MPRIP: variants seen among roughly 807,000 people sequenced by gnomAD.
The protein encoded by MPRIP is myosin phosphatase Rho interacting protein, also known as myosin phosphatase Rho-interacting protein.
Under a neutral mutation model 234.9 loss-of-function variants are expected in MPRIP, and 59 were observed. That is an observed-to-expected ratio of 0.25 (90% CI 0.20 to 0.31). The LOEUF (loss-of-function observed/expected upper bound fraction) is 0.31, where lower values mean the gene tolerates loss of function less well. MPRIP is among the 10% of genes least tolerant of loss of function. The pLI, the probability that MPRIP is intolerant of heterozygous loss-of-function variation, is 1.00. For synonymous variants in MPRIP, 1,144 were observed against 1,263.9 expected (o/e 0.91, Z 2.01); for missense variants, 2,436 against 3,071.0 (o/e 0.79, Z 4.89).
intron 3 of MPRIP, among the ~76,000 whole-genome samples, chr17:17,118,300 G>A (rs764354593): frequency 1.8e-4 from 28 of 152,228 alleles, no homozygotes; most frequent in Non-Finnish European, 3.7e-4. Context: ...AAAAGCCATC[G>A]GGTGTAGAAT....
chr17:17,076,920 A>G (rs930572754), intron 2 of MPRIP: 4 of 127,518 alleles, frequency 3.1e-5, no homozygotes, highest in African/African-American at 5.7e-5. Context: ...AACTCTGAGT[A>G]TTGTTGGGCT....
rs1456874629 is a variant in MPRIP, at chr17:17,187,928, A to G, written c.*3034A>G. On this transcript the variant is annotated 3_prime_UTR_variant, in exon 24 of 24. Transcript: ENST00000651222. ...ACTTCAGCATTTTAATTATTTTCCTATAAATGTATTTATGTGTAGTATGCT... is the reference window on the plus strand; with the variant it reads ...ACTTCAGCATTTTAATTATTTTCCTGTAAATGTATTTATGTGTAGTATGCT... 1.3e-5 allele frequency: 2 copies of G among 152,244 alleles called. No homozygotes were observed. The highest frequency in any genetic ancestry group is 2.4e-5 in the African/African-American group (1 of 41,464). 9.4% of individuals were successfully genotyped at this position (152,244 alleles called of 1,614,324 possible).
chr17:17,145,976 C>T (rs1471806386), intron 9 of MPRIP, 60 bp from the exon 10 acceptor site: 2 of 1,507,960 alleles, frequency 1.3e-6, no homozygotes, highest in African/African-American at 2.7e-5. Context: ...CTGGCCCCAT[C>T]AGACACTCAT....
In MPRIP at chr17:17,174,014, C is replaced by A. The variant is rs1261321234; in HGVS notation, c.6689C>A (p.Ala2230Asp). The change falls in exon 19 of 24, where the codon GCC becomes GAC. Residue 2230 changes from alanine to aspartate, a missense_variant. By Grantham distance (126) the Ala-to-Asp change is moderately radical (BLOSUM62 -2). Transcript: ENST00000651222. ...ENAHLAQALE[A>D]ERQALRQCQR... is the part of the protein sequence containing the mutation. ...GCCCATCTGGCCCAGGCGCTGGAGG[C>A]CGAGCGGCAGGCCCTGCGGCAGTGC... 2 of 1,613,542 alleles carry A rather than the reference C, an allele frequency of 1.2e-6. No individual in the cohort carries two copies. Among genetic ancestry groups the A allele is most frequent in the African/African-American group, 1.3e-5 (1 of 74,948 alleles).
intron 3 of MPRIP, among the ~76,000 whole-genome samples, chr17:17,098,656 G>A (rs1597800303): frequency 6.6e-6 from 1 of 152,190 alleles, no homozygotes. Flanking sequence ...CATATGGGAT[G>A]GCCAAGAGAA....
chr17:17,106,065 G>A (rs903316589), intron 3 of MPRIP, among the ~76,000 whole-genome samples: 9 of 152,198 alleles, frequency 5.9e-5, no homozygotes, highest in African/African-American at 2.2e-4. Context: ...GTCCCTCAGT[G>A]GCTTTGAGGG....
In MPRIP at chr17:17,166,773, T is replaced by A. The variant is rs999709243; in HGVS notation, c.5182T>A (p.Leu1728Met). Reference sequence around the variant, plus strand: ...CTTTGAAAGAGTGATGCAGCAGGTCTTGGAAGCCCTCAGGCTTCCAGCGGG... The same window carrying A: ...CTTTGAAAGAGTGATGCAGCAGGTCATGGAAGCCCTCAGGCTTCCAGCGGG... The part of the protein sequence containing the change: ...PDFERVMQQV[L>M]EALRLPAGHE... Residue 1728 changes from leucine (L) to methionine (M), a missense_variant, in exon 16 of 24, where the codon TTG becomes ATG. Transcript: ENST00000651222. The surrounding 1 kb of genome is among the most constrained non-coding windows in gnomAD (Gnocchi z 4.4). 1 of 1,304,122 alleles carries A rather than the reference T, an allele frequency of 7.7e-7. No individual in the cohort carries two copies. The highest frequency in any genetic ancestry group is 1.5e-5 in the African/African-American group (1 of 65,872). 80.8% of individuals were successfully genotyped at this position (1,304,122 alleles called of 1,614,324 possible).
At chr17:17,066,721 A>ATTTT (rs1567692140) in intron 1 of MPRIP, among the ~76,000 whole-genome samples, 1 of 39,440 alleles carries the variant, frequency 2.5e-5, no homozygotes, top group Non-Finnish European at 7.6e-5. Flanking sequence ...TACTTTTTTC[A>ATTTT]TCTTTTTTTT....
chr17:17,076,496 G>A (rs1236408079), intron 2 of MPRIP: 1 of 152,150 alleles, frequency 6.6e-6, no homozygotes, highest in South Asian at 2.1e-4. Context: ...TGGAGTAGGG[G>A]CCTTGGGCTG....
At chr17:17,178,312 A>C (rs553873102) in intron 22 of MPRIP, 1 of 152,224 alleles carries the variant, frequency 6.6e-6, no homozygotes, top group Non-Finnish European at 1.5e-5. Flanking sequence ...ACTAATATCA[A>C]AAAAGAAAAA....
intron 12 of MPRIP, among the ~76,000 whole-genome samples, chr17:17,152,879 C>G (rs1198499948): frequency 3.9e-5 from 6 of 152,326 alleles, no homozygotes; most frequent in African/African-American, 1.4e-4. Flanking sequence ...GAAGGCCCCG[C>G]CCACTGAGAA....
chr17:17,183,240 G>A (rs2046409536), intron 23 of MPRIP: 1 of 152,288 alleles, frequency 6.6e-6, no homozygotes, highest in Admixed American at 6.5e-5. Context: ...TTTTGAGACG[G>A]AGTCTCGCTC....
intron 11 of MPRIP, among the ~76,000 whole-genome samples, chr17:17,147,979 T>A (rs1337450326): frequency 6.6e-6 from 1 of 152,230 alleles, no homozygotes; most frequent in Non-Finnish European, 1.5e-5. Flanking sequence ...CCCAGTAGTT[T>A]CACTCCAGGA....
At chr17:17,071,462 T>G (rs1029241276) in intron 1 of MPRIP, among the ~76,000 whole-genome samples, 9 of 152,174 alleles carry the variant, frequency 5.9e-5, no homozygotes, top group African/African-American at 1.2e-4. Flanking sequence ...CCCACTTACC[T>G]TTTTTTCTCC....
At chr17:17,168,137 C>A in intron 16 of MPRIP, 1 of 348,032 alleles carries the variant, frequency 2.9e-6, no homozygotes, top group Non-Finnish European at 5.5e-6. Context: ...AGCAGGAGGG[C>A]CGCCAGGGTC....
In MPRIP at chr17:17,166,133, C is replaced by T. The variant is rs761883991; in HGVS notation, c.4542C>T (p.Ser1514=). 14 of 1,301,454 alleles carry T rather than the reference C, an allele frequency of 1.1e-5. No individual in the cohort carries two copies. The highest frequency in any genetic ancestry group is 3.7e-5 in the South Asian group (3 of 80,794). The allele number at this position is 1,301,454 out of a possible 1,614,324, so 80.6% of individuals were successfully genotyped here. A position where few individuals can be genotyped will look rare whatever the true frequency, so the allele number is the denominator to read the frequency against. Residue 1514 remains serine, a synonymous_variant, in exon 16 of 24, where the codon AGC becomes AGT. Coordinates refer to ENST00000651222, the MANE Select transcript of MPRIP (RefSeq NM_001364716.4). This position sits in a 1 kb window ranked among gnomAD's most constrained non-coding sequence, Gnocchi z 4.4. ...SLASVESALV[S]AIQALQHWPA... is the part of the protein sequence containing the mutation. Reference sequence around the variant, plus strand: ...CCAGTGTGGAGAGTGCACTCGTCAGCGCCATCCAAGCCCTGCAGCACTGGC... The same window carrying T: ...CCAGTGTGGAGAGTGCACTCGTCAGTGCCATCCAAGCCCTGCAGCACTGGC...
chr17:17,142,839 C>T (rs1318123474), intron 8 of MPRIP, 74 bp downstream of exon 8: 6 of 1,526,744 alleles, frequency 3.9e-6, no homozygotes, highest in Non-Finnish European at 5.3e-6. Context: ...TGCGCCAAGT[C>T]CCCTCCACAC....
intron 3 of MPRIP, among the ~76,000 whole-genome samples, chr17:17,081,414 C>T (rs1335295146): frequency 6.6e-6 from 1 of 152,176 alleles, no homozygotes; most frequent in Non-Finnish European, 1.5e-5. Context: ...AACCTTAAGA[C>T]AGGGCGGGTA....
At chr17:17,051,230 A>AT (rs1372749869) in intron 1 of MPRIP, among the ~76,000 whole-genome samples, 1 of 152,242 alleles carries the variant, frequency 6.6e-6, no homozygotes, top group Non-Finnish European at 1.5e-5. Context: ...AAATAAAGAA[A>AT]TTTAACTCAG....
Sources: gnomAD v4.1 joint callset for allele counts (sites outside exome capture counted in the v4.1 genomes callset) on GRCh38, gnomAD v4.1.1 for gene constraint, Gnocchi (gnomAD v3.1) non-coding constraint, MANE v1.5 for transcripts, NCBI Gene and HGNC (gene_info 2026-07-23, HGNC 2026-07-21) for gene names.